The following KLHL1 variants were observed in gnomAD, a reference collection of about 807,000 sequenced individuals.
KLHL1 encodes the protein kelch-like protein 1.
KLHL1 carries 47 observed loss-of-function variants against 77.7 expected under a neutral mutation model. The ratio of observed to expected loss-of-function variants is 0.60; its 90% confidence interval spans 0.48 to 0.77. The LOEUF (loss-of-function observed/expected upper bound fraction) is 0.77, where lower values mean the gene tolerates loss of function less well. Among genes scored for constraint, KLHL1 ranks in the 30% least tolerant of loss-of-function variants. The pLI is 0.00. For missense variants in KLHL1, 925 were observed against 910.8 expected, an observed-to-expected ratio of 1.02 and a Z score of -0.20; for synonymous variants, 360 against 325.2, an observed-to-expected ratio of 1.11 and a Z score of -1.15.
chr13:70,102,837 A>C (rs1000141900), intron 1 of KLHL1, among the ~76,000 whole-genome samples: 3 of 152,176 alleles, frequency 2.0e-5, no homozygotes, highest in Admixed American at 6.5e-5. Flanking sequence ...GTTTTTAATC[A>C]ATGCCACTAA....
chr13:70,103,451 A>G lies in KLHL1; in HGVS notation c.497+3752T>C, dbSNP rs57637616. On this transcript the variant is annotated intron_variant, in intron 1 of 10. Transcript: ENST00000377844. ...AAAAAGGAGAATGAGGGAGTGAGGG[A>G]TGTGGAAAAATATTTCACCATTCTT... is the stretch of plus-strand genomic sequence containing the variant. 7.5e-3 allele frequency among the ~76,000 whole-genome samples: 1,148 copies of G among 152,100 alleles called. 12 individuals carry two copies. Among genetic ancestry groups the G allele is most frequent in the African/African-American group, 0.026 (1,097 of 41,506 alleles).
intron 8 of KLHL1, among the ~76,000 whole-genome samples, chr13:69,723,265 G>T (rs1010310979): frequency 2.0e-5 from 3 of 152,062 alleles, no homozygotes; most frequent in African/African-American, 7.2e-5. Flanking sequence ...TTGCACATTA[G>T]AGTGACTACG....
chr13:69,836,444 C>A (rs1301368934), intron 6 of KLHL1, among the ~76,000 whole-genome samples: 1 of 152,010 alleles, frequency 6.6e-6, no homozygotes, highest in Non-Finnish European at 1.5e-5. Context: ...CAGAACTAGG[C>A]AAAGCTAGTT....
intron 4 of KLHL1, among the ~76,000 whole-genome samples, chr13:69,930,712 T>C (rs1243835754): frequency 6.6e-6 from 1 of 151,744 alleles, no homozygotes; most frequent in African/African-American, 2.4e-5. Context: ...TGAAAGTTAG[T>C]AGGATAATGA....
At chr13:69,804,999 A>G (rs1877556378) in intron 6 of KLHL1, among the ~76,000 whole-genome samples, 1 of 152,070 alleles carries the variant, frequency 6.6e-6, no homozygotes, top group Admixed American at 6.6e-5. Context: ...CATTTCATTG[A>G]CTTTCATGTA....
At chr13:69,976,034 G>A (rs1884536153) in intron 1 of KLHL1, among the ~76,000 whole-genome samples, 1 of 151,998 alleles carries the variant, frequency 6.6e-6, no homozygotes, top group African/African-American at 2.4e-5. Context: ...TTTAAAAGAG[G>A]TTTAAAAATA....
chr13:69,707,368 T>A (rs1875670627), intron 10 of KLHL1, among the ~76,000 whole-genome samples: 1 of 152,014 alleles, frequency 6.6e-6, no homozygotes, highest in Non-Finnish European at 1.5e-5. Context: ...TCAGATTCTG[T>A]TTCTTGTTGT....
intron 5 of KLHL1, among the ~76,000 whole-genome samples, chr13:69,865,727 C>T (rs7332130): frequency 0.32 from 48,259 of 151,806 alleles, 8,167 homozygotes; most frequent in African/African-American, 0.45. Context: ...AGTAAGAAAA[C>T]AATAGCTGTT....
chr13:70,002,419 GA>G (rs34687973), intron 1 of KLHL1, among the ~76,000 whole-genome samples: 3 of 150,958 alleles, frequency 2.0e-5, no homozygotes, highest in Non-Finnish European at 3.0e-5. Flanking sequence ...TAGGAAGGGA[GA>G]AAAAAAATTT....
At chr13:70,048,330 T>C (rs1217821660) in intron 1 of KLHL1, among the ~76,000 whole-genome samples, 1 of 152,176 alleles carries the variant, frequency 6.6e-6, no homozygotes, top group East Asian at 1.9e-4. Context: ...CAATTTAGGA[T>C]TCATATTAAA....
chr13:69,837,359 ATAATTAG>A (rs926842462), intron 6 of KLHL1, among the ~76,000 whole-genome samples: 57 of 151,620 alleles, frequency 3.8e-4, no homozygotes, highest in Non-Finnish European at 7.5e-4. Context: ...TGTGTGAATA[ATAATTAG>A]TAAGCAATTT....
intron 4 of KLHL1, among the ~76,000 whole-genome samples, chr13:69,886,229 G>T (rs1385062803): frequency 1.3e-5 from 2 of 152,086 alleles, no homozygotes; most frequent in African/African-American, 4.8e-5. Flanking sequence ...GGCAACAAAT[G>T]TAAGTTGCCA....
At chr13:70,085,432 G>A (rs1454540812) in intron 1 of KLHL1, among the ~76,000 whole-genome samples, 1 of 152,078 alleles carries the variant, frequency 6.6e-6, no homozygotes, top group Non-Finnish European at 1.5e-5. Context: ...CCTTGAAAAA[G>A]AAACATGTAA....
intron 1 of KLHL1, among the ~76,000 whole-genome samples, chr13:70,076,923 AT>A (rs1191117076): frequency 1.3e-5 from 2 of 151,904 alleles, no homozygotes; most frequent in African/African-American, 2.4e-5. Flanking sequence ...CTACAATGAT[AT>A]ACCACTATAT....
In KLHL1 at chr13:69,984,184, T is replaced by G. The variant is rs1448348043; in HGVS notation, c.498-8382A>C. 7.2e-5 allele frequency among the ~76,000 whole-genome samples: 11 copies of G among 152,116 alleles called. No homozygotes were observed. The East Asian group carries it at 2.1e-3, about 29-fold the overall frequency. ...AATGGTATAGGAGTTAAAAAGAAAT[T>G]ATTTAGGCAGATAGTGAGGGTACGG... On this transcript the variant is annotated intron_variant, in intron 1 of 10. Coordinates refer to ENST00000377844, the MANE Select transcript of KLHL1 (RefSeq NM_020866.3).
chr13:69,956,410 T>A (rs1015667242), intron 3 of KLHL1, among the ~76,000 whole-genome samples: 8 of 151,126 alleles, frequency 5.3e-5, no homozygotes, highest in African/African-American at 1.9e-4. Flanking sequence ...TATGCTTAAA[T>A]TGTGAGGCAC....
intron 1 of KLHL1, among the ~76,000 whole-genome samples, chr13:69,994,623 G>T (rs866058338): frequency 6.6e-6 from 1 of 152,034 alleles, no homozygotes; most frequent in Non-Finnish European, 1.5e-5. Context: ...TACATTGGGA[G>T]TACCTATAGG....
chr13:69,712,443 C>A (rs1187653906), intron 9 of KLHL1, among the ~76,000 whole-genome samples: 2 of 152,040 alleles, frequency 1.3e-5, no homozygotes, highest in Admixed American at 1.3e-4. Context: ...TACTGGTGGC[C>A]TTTCCTCACT....
intron 5 of KLHL1, among the ~76,000 whole-genome samples, chr13:69,880,555 A>T (rs1437606485): frequency 1.2e-4 from 19 of 152,156 alleles, no homozygotes; most frequent in Non-Finnish European, 2.4e-4. Flanking sequence ...TCACTAAGCA[A>T]GATAAAGCAC....
Sources: allele counts gnomAD v4.1 joint callset (sites outside exome capture counted in the v4.1 genomes callset), GRCh38; gene constraint gnomAD v4.1.1; transcripts MANE v1.5; gene names NCBI Gene and HGNC (gene_info 2026-07-23, HGNC 2026-07-21).